The following ESRRG variants were observed in gnomAD, a reference collection of about 807,000 sequenced individuals.
The protein encoded by ESRRG is estrogen-related receptor gamma.
Under a neutral mutation model 44.0 loss-of-function variants are expected in ESRRG, and 13 were observed. The ratio of observed to expected loss-of-function variants is 0.30; its 90% confidence interval spans 0.19 to 0.47. The LOEUF (loss-of-function observed/expected upper bound fraction) is 0.47. ESRRG is among the 20% of genes least tolerant of loss of function. The pLI is 1.00. For synonymous variants in ESRRG, 215 were observed against 214.6 expected, an observed-to-expected ratio of 1.00 and a Z score of -0.02; for missense variants, 395 against 580.6, an observed-to-expected ratio of 0.68 and a Z score of 3.29.
At chr1:216,687,217 G>T (rs577886844) in intron 1 of ESRRG, among the ~76,000 whole-genome samples, 1 of 152,240 alleles carries the variant, frequency 6.6e-6, no homozygotes, top group Non-Finnish European at 1.5e-5. Context: ...GGGAGCTGGG[G>T]AATGGGACTC....
At chr1:216,953,898 T>A (rs1401138121) in intron 1 of ESRRG, among the ~76,000 whole-genome samples, 1 of 152,026 alleles carries the variant, frequency 6.6e-6, no homozygotes, top group East Asian at 1.9e-4. Context: ...TTATCATTAA[T>A]GATATATCAA....
At chr1:216,939,894 GTCC>G (rs1298043260) in intron 1 of ESRRG, among the ~76,000 whole-genome samples, 1 of 152,090 alleles carries the variant, frequency 6.6e-6, no homozygotes, top group Non-Finnish European at 1.5e-5. Flanking sequence ...CGAAGGTACA[GTCC>G]TCATTTCTTA....
chr1:216,821,729 TAAATAAATAAATAAAA>T (rs2095299708), intron 2 of ESRRG, among the ~76,000 whole-genome samples: 3 of 127,668 alleles, frequency 2.3e-5, no homozygotes, highest in African/African-American at 8.3e-5. Flanking sequence ...AATAAATAAA[TAAATAAATAAATAAAA>T]TTTAATTTAA....
At chr1:216,947,652 C>A (rs2066266981) in intron 1 of ESRRG, among the ~76,000 whole-genome samples, 1 of 152,112 alleles carries the variant, frequency 6.6e-6, no homozygotes, top group African/African-American at 2.4e-5. Flanking sequence ...GCCAGTTTAC[C>A]AGCACATCAC....
intron 1 of ESRRG, among the ~76,000 whole-genome samples, chr1:216,956,987 C>T (rs2068070184): frequency 6.6e-6 from 1 of 152,086 alleles, no homozygotes; most frequent in African/African-American, 2.4e-5. Flanking sequence ...TTATTAAAGG[C>T]AGGTTATGAA....
intron 2 of ESRRG, among the ~76,000 whole-genome samples, chr1:216,798,610 T>C (rs1449927620): frequency 6.6e-6 from 1 of 152,114 alleles, no homozygotes; most frequent in Non-Finnish European, 1.5e-5. Flanking sequence ...AGAATCTATA[T>C]AGGTAGTAAG....
chr1:216,772,695 G>T (rs1318037018), intron 2 of ESRRG, among the ~76,000 whole-genome samples: 1 of 151,460 alleles, frequency 6.6e-6, no homozygotes, highest in Non-Finnish European at 1.5e-5. Flanking sequence ...TGAGTTTTTT[G>T]TTTGTTTGTT....
intron 1 of ESRRG, among the ~76,000 whole-genome samples, chr1:216,979,762 G>T (rs2073619432): frequency 6.6e-6 from 1 of 152,064 alleles, no homozygotes; most frequent in African/African-American, 2.4e-5. Flanking sequence ...TTTAATAACT[G>T]GAATGAAAAT....
At chr1:216,933,624 G>A (rs2063688120) in intron 2 of ESRRG, among the ~76,000 whole-genome samples, 1 of 152,142 alleles carries the variant, frequency 6.6e-6, no homozygotes, top group African/African-American at 2.4e-5. Context: ...ATGTGGTGAA[G>A]AAGAATAATT....
At chr1:217,107,051 A>T (rs991420898) in intron 1 of ESRRG, among the ~76,000 whole-genome samples, 2 of 152,162 alleles carry the variant, frequency 1.3e-5, no homozygotes, top group African/African-American at 4.8e-5. Flanking sequence ...TCATATATTC[A>T]TCTGTTTTTC....
At chr1:216,520,760 A>G (rs1225356625) in intron 5 of ESRRG, among the ~76,000 whole-genome samples, 1 of 152,154 alleles carries the variant, frequency 6.6e-6, no homozygotes. Context: ...ACCATTTTTA[A>G]TAATGCAACT....
chr1:216,729,013 G>A (rs1166916521), intron 2 of ESRRG, among the ~76,000 whole-genome samples: 1 of 152,158 alleles, frequency 6.6e-6, no homozygotes. Context: ...GGGATTACAG[G>A]TCATTCTGGA....
chr1:216,775,990 C>T (rs1283184975), intron 2 of ESRRG, among the ~76,000 whole-genome samples: 1 of 151,968 alleles, frequency 6.6e-6, no homozygotes, highest in East Asian at 1.9e-4. Context: ...AAGTGATTTC[C>T]AGTTTATAAT....
At chr1:217,117,613 A>C (rs1233597871) in intron 1 of ESRRG, among the ~76,000 whole-genome samples, 2 of 152,074 alleles carry the variant, frequency 1.3e-5, no homozygotes, top group African/African-American at 4.8e-5. Context: ...TAAACAATAA[A>C]AATTAATTTA....
intron 1 of ESRRG, among the ~76,000 whole-genome samples, chr1:216,954,365 C>T (rs2067548303): frequency 6.6e-6 from 1 of 152,104 alleles, no homozygotes; most frequent in Admixed American, 6.6e-5. Flanking sequence ...CTCAAGAACT[C>T]CCTGTCCCTG....
At chr1:216,661,405 A>G (rs150775050) in intron 2 of ESRRG, among the ~76,000 whole-genome samples, 6 of 152,316 alleles carry the variant, frequency 3.9e-5, no homozygotes, top group Non-Finnish European at 7.4e-5. Flanking sequence ...AAGTCTGCTT[A>G]TCTGTCTTTC....
chr1:216,586,068 T>C (rs1429361982), intron 3 of ESRRG, among the ~76,000 whole-genome samples: 1 of 152,090 alleles, frequency 6.6e-6, no homozygotes, highest in South Asian at 2.1e-4. Context: ...AATAAAGTTA[T>C]TTTTTAAAAG....
At chr1:216,704,820 T>G (rs1575545083) in intron 1 of ESRRG, among the ~76,000 whole-genome samples, 1 of 152,156 alleles carries the variant, frequency 6.6e-6, no homozygotes, top group East Asian at 1.9e-4. Context: ...CCCAAAATGA[T>G]ACTGTGTTCT....
At position 216,611,211 on chromosome 1, in the gene ESRRG, C is replaced by CAAAA. The variant is rs397861468; in HGVS notation, c.589+39758_589+39761dup. On this transcript the variant is annotated intron_variant, in intron 3 of 6. Transcript: ENST00000408911. ...AGAGCCAAAAGTGAAACTCCGTCCT[C>CAAAA]AAAAAAAAAAAAAAAAAAAAAAAAA... Among the ~76,000 whole-genome samples, 19 of 60,430 alleles carry CAAAA rather than the reference C, an allele frequency of 3.1e-4. 1 individual carries two copies. Among genetic ancestry groups the CAAAA allele is most frequent in the African/African-American group, 7.4e-4 (9 of 12,178 alleles). The allele number at this position is 60,430 out of a possible 152,430, so 39.6% of individuals were successfully genotyped here.
Sources: allele counts gnomAD v4.1 joint callset (sites outside exome capture counted in the v4.1 genomes callset), GRCh38; gene constraint gnomAD v4.1.1; transcripts MANE v1.5; gene names NCBI Gene and HGNC (gene_info 2026-07-23, HGNC 2026-07-21).